The following SIGLEC1 variants were observed in gnomAD, a reference collection of about 807,000 sequenced individuals.
SIGLEC1 encodes sialic acid binding Ig like lectin 1, also known as sialoadhesin.
A neutral mutation model predicts 148.0 loss-of-function variants in SIGLEC1; 132 were observed. The ratio of observed to expected loss-of-function variants is 0.89; its 90% CI spans 0.77 to 1.03. SIGLEC1 has a LOEUF of 1.03. Ranked by LOEUF, SIGLEC1 falls within the 50% of genes least tolerant of loss-of-function variation. The probability of loss-of-function intolerance (pLI) is 0.00; values close to 1 mark genes in which losing one functional copy is unlikely to be tolerated. For missense variants in SIGLEC1, 2,253 were observed against 2,271.4 expected, an observed-to-expected ratio of 0.99 and a Z score of 0.16; for synonymous variants, 945 against 969.0, an observed-to-expected ratio of 0.98 and a Z score of 0.46.
At chr20:3,702,845 A>G (rs2087862671) in intron 6 of SIGLEC1, among the ~76,000 whole-genome samples, 1 of 152,242 alleles carries the variant, frequency 6.6e-6, no homozygotes, top group African/African-American at 2.4e-5. Flanking sequence ...GCAAGTCTAT[A>G]TCCATACATT....
chr20:3,694,162 C>T, intron 13 of SIGLEC1, 59 bp downstream of exon 13: 3 of 1,510,290 alleles, frequency 2.0e-6, no homozygotes, highest in Non-Finnish European at 2.7e-6. Context: ...CACCTCCTCT[C>T]CTCTTTTAAA....
chr20:3,712,214 G>A (rs1223016904), intron 1 of SIGLEC1, among the ~76,000 whole-genome samples: 2 of 152,062 alleles, frequency 1.3e-5, no homozygotes, highest in Admixed American at 6.6e-5. Flanking sequence ...CTGGGGCTGA[G>A]GTAGGGTCAG....
At chr20:3,696,129 T>TATATATATATATATACAC (rs11087599) in intron 11 of SIGLEC1, among the ~76,000 whole-genome samples, 45 of 142,512 alleles carry the variant, frequency 3.2e-4, no homozygotes, top group African/African-American at 1.2e-3. Context: ...ACTATATATA[T>TATATATATATATATACAC]ACACACACAC....
At chr20:3,689,793 CT>C (rs1479905623) in intron 19 of SIGLEC1, 91 bp from the exon 20 acceptor site, 2 of 1,309,616 alleles carry the variant, frequency 1.5e-6, no homozygotes, top group Admixed American at 4.3e-5. Flanking sequence ...CACCTTCTAA[CT>C]TTTGCTTTAT....
chr20:3,711,081 C>G (rs1011887225), intron 1 of SIGLEC1, among the ~76,000 whole-genome samples: 2 of 152,134 alleles, frequency 1.3e-5, no homozygotes, highest in African/African-American at 4.8e-5. Flanking sequence ...CCCTGGTGGT[C>G]GAGGGGGAAT....
chr20:3,711,909 T>G (rs1282786163), intron 1 of SIGLEC1, among the ~76,000 whole-genome samples: 2 of 151,948 alleles, frequency 1.3e-5, no homozygotes, highest in East Asian at 3.9e-4. Context: ...ATCGTTGGGC[T>G]GGGCTGGGGC....
In SIGLEC1 at chr20:3,688,425, C is replaced by A; in HGVS notation, c.*135G>T. 2 of 792,784 alleles carry A rather than the reference C, an allele frequency of 2.5e-6. No homozygotes were observed. The highest frequency in any genetic ancestry group is 1.7e-5 in the African/African-American group (1 of 58,744). 49.1% of individuals were successfully genotyped at this position (792,784 alleles called of 1,614,324 possible). On this transcript the variant is annotated 3_prime_UTR_variant, in exon 22 of 22. Transcript: ENST00000344754. Reference sequence around the variant, plus strand: ...GGGGGCAAGAGGCTTGGGGCCAGGTCATAAAAAGTCAGATGTCACAGAGCT... The same window carrying A: ...GGGGGCAAGAGGCTTGGGGCCAGGTAATAAAAAGTCAGATGTCACAGAGCT...
chr20:3,693,782 C>T (rs2088791918), intron 13 of SIGLEC1, 84 bp from the exon 14 acceptor site: 1 of 1,417,046 alleles, frequency 7.1e-7, no homozygotes, highest in Non-Finnish European at 9.4e-7. Context: ...GGGTGAGCTA[C>T]TCCTACTGCT....
At position 3,688,398 on chromosome 20, in the gene SIGLEC1, G is replaced by A. The variant is rs147888985; in HGVS notation, c.*162C>T. 4.2e-5 allele frequency: 29 copies of A among 690,264 alleles called. No individual in the cohort carries two copies. Among genetic ancestry groups the A allele is most frequent in the South Asian group, 3.5e-4 (23 of 65,092 alleles). The allele number at this position is 690,264 out of a possible 1,614,324, so 42.8% of individuals were successfully genotyped here. The stretch of plus-strand genomic sequence containing the variant: ...GGCAGACCTCTCACCACCCATTTTT[G>A]GGGGGGCAAGAGGCTTGGGGCCAGG... On this transcript the variant is annotated 3_prime_UTR_variant, in exon 22 of 22. Coordinates refer to ENST00000344754, the MANE Select transcript of SIGLEC1 (RefSeq NM_023068.4).
rs1387041035 is a variant in SIGLEC1, at chr20:3,692,700, G to T, written c.3851C>A (p.Pro1284His). 1 of 1,612,980 alleles carries T rather than the reference G, an allele frequency of 6.2e-7. No individual in the cohort carries two copies. The highest frequency in any genetic ancestry group is 1.1e-5 in the South Asian group (1 of 91,090). Residue 1284 changes from proline (P) to histidine (H), a missense_variant, in exon 16 of 22, where the codon CCT becomes CAT. Physicochemically the swap from Pro to His is moderately conservative, Grantham distance 77 (BLOSUM62 -2). Transcript: ENST00000344754. ...GAPITVTCADPAAHAPTLYTW... is the reference protein window; with the variant it reads ...GAPITVTCADHAAHAPTLYTW... ...ATAGAGTGTGGGTGCGTGGGCAGCAGGGTCCGCACAGGTCACTGTGATGGG... is the reference window on the plus strand; with the variant it reads ...ATAGAGTGTGGGTGCGTGGGCAGCATGGTCCGCACAGGTCACTGTGATGGG...
In SIGLEC1 at chr20:3,694,311, C is replaced by A; in HGVS notation, c.3166G>T (p.Gly1056Trp). The A allele has an allele frequency of 1.2e-6, 2 of 1,613,116 alleles. No individual in the cohort carries two copies. The highest frequency in any genetic ancestry group is 1.7e-6 in the Non-Finnish European group (2 of 1,180,018). The change falls in exon 13 of 22, where the codon GGG becomes TGG. Residue 1056 changes from glycine (G) to tryptophan (W), a missense_variant. By Grantham distance (184) the Gly-to-Trp change is radical (BLOSUM62 -2). Coordinates refer to ENST00000344754, the MANE Select transcript of SIGLEC1 (RefSeq NM_023068.4). Reference protein sequence around the residue: ...APNTLRLEIHGAMLEDEGVYI... With the variant: ...APNTLRLEIHWAMLEDEGVYI... ...ACACCCTCATCCTCCAGCATAGCCC[C>A]GTGGATCTCCAGACGCAGTGTGTTG...
chr20:3,707,585 G>C (rs887854159), intron 1 of SIGLEC1, among the ~76,000 whole-genome samples: 4 of 152,196 alleles, frequency 2.6e-5, no homozygotes, highest in Admixed American at 2.0e-4. Context: ...CACCCAGCTA[G>C]AATGATGGTT....
chr20:3,703,312 G>A lies in SIGLEC1; in HGVS notation c.1113C>T (p.His371=), dbSNP rs772004390. 1.2e-6 allele frequency: 2 copies of A among 1,614,170 alleles called. No homozygotes were observed. The highest frequency in any genetic ancestry group is 1.7e-6 in the Non-Finnish European group (2 of 1,180,012). Residue 371 remains histidine, a synonymous_variant, in exon 6 of 22, where the codon CAC becomes CAT. Transcript: ENST00000344754. ...CCAAGTGCAGCCGGAGGGTATGGGA[G>A]TGGGCATCCTCCAGCAGGACATGGT... is the stretch of plus-strand genomic sequence containing the variant. The part of the protein sequence containing the change: ...YKNHVLLEDA[H]SHTLRLHLAT...
At chr20:3,702,352 G>A (rs2087858711) in intron 6 of SIGLEC1, among the ~76,000 whole-genome samples, 1 of 152,154 alleles carries the variant, frequency 6.6e-6, no homozygotes, top group African/African-American at 2.4e-5. Flanking sequence ...TTGGGAGGCC[G>A]AGGTAGGTGG....
chr20:3,694,365 A>G lies in SIGLEC1; in HGVS notation c.3112T>C (p.Ser1038Pro), dbSNP rs772255808. 6.2e-7 allele frequency: 1 copy of G among 1,613,200 alleles called. No homozygotes were observed. The highest frequency in any genetic ancestry group is 8.5e-7 in the Non-Finnish European group (1 of 1,179,930). The stretch of plus-strand genomic sequence containing the variant: ...GCCACAGCCACATGCAGCCTGGGAG[A>G]GCTGCCTTCGGGTCCCCCCACACCT... The part of the protein sequence containing the change: ...LQGVGGPEGS[S>P]PRLHVAVAPN... Residue 1038 changes from serine (S) to proline (P), a missense_variant, in exon 13 of 22, where the codon TCT becomes CCT. Ser to Pro is a moderately conservative substitution (Grantham distance 74, BLOSUM62 -1). Transcript: ENST00000344754.
intron 5 of SIGLEC1, 115 bp from the exon 6 acceptor site, chr20:3,703,566 C>T (rs1020330036): frequency 2.8e-5 from 37 of 1,340,172 alleles, no homozygotes; most frequent in African/African-American, 1.2e-4. Context: ...CTACACCACC[C>T]GCCTGCTGCT....
chr20:3,698,851 A>G (rs2087826285), intron 8 of SIGLEC1, among the ~76,000 whole-genome samples: 1 of 152,212 alleles, frequency 6.6e-6, no homozygotes, highest in African/African-American at 2.4e-5. Context: ...CTTGGTGTCT[A>G]TGGGAGCCCA....
chr20:3,696,362 C>G (rs577287996), intron 11 of SIGLEC1, among the ~76,000 whole-genome samples: 2 of 152,286 alleles, frequency 1.3e-5, no homozygotes, highest in Non-Finnish European at 2.9e-5. Flanking sequence ...ACCAAGCAAG[C>G]CACTCTGTGA....
intron 21 of SIGLEC1, 53 bp downstream of exon 21, chr20:3,689,102 G>A: frequency 6.9e-7 from 1 of 1,454,334 alleles, no homozygotes; most frequent in Non-Finnish European, 9.7e-7. Context: ...GATGCCAGTT[G>A]GCACTGTGGG....
Sources: allele counts gnomAD v4.1 joint callset (sites outside exome capture counted in the v4.1 genomes callset), GRCh38; gene constraint gnomAD v4.1.1; transcripts MANE v1.5; gene names NCBI Gene and HGNC (gene_info 2026-07-23, HGNC 2026-07-21).